The following PELI2 variants were observed in gnomAD, a reference collection of about 807,000 sequenced individuals.
PELI2 encodes E3 ubiquitin-protein ligase pellino homolog 2.
PELI2 carries 23 observed loss-of-function variants against 42.3 expected under a neutral mutation model. The observed-to-expected ratio is 0.54, with a 90% CI of 0.39 to 0.77. PELI2 has a LOEUF of 0.77. Among genes scored for constraint, PELI2 ranks in the 30% least tolerant of loss-of-function variants. The pLI, the probability that PELI2 is intolerant of heterozygous loss-of-function variation, is 0.00. For missense variants in PELI2, 463 were observed against 553.2 expected (o/e 0.84, Z 1.64); for synonymous variants, 245 against 212.2 (o/e 1.15, Z -1.34).
intron 2 of PELI2, among the ~76,000 whole-genome samples, chr14:56,209,694 G>A (rs892174655): frequency 9.9e-5 from 15 of 152,168 alleles, no homozygotes; most frequent in African/African-American, 3.1e-4. Context: ...TTTAGAGAGC[G>A]TAAAGAAGTC....
At chr14:56,224,001 A>T (rs1887250466) in intron 2 of PELI2, among the ~76,000 whole-genome samples, 1 of 152,248 alleles carries the variant, frequency 6.6e-6, no homozygotes, top group Non-Finnish European at 1.5e-5. Flanking sequence ...AAATGACTTC[A>T]TAGTCTACAA....
intron 2 of PELI2, among the ~76,000 whole-genome samples, chr14:56,267,719 T>A (rs1037101583): frequency 7.2e-5 from 11 of 152,098 alleles, no homozygotes; most frequent in African/African-American, 2.4e-4. Flanking sequence ...ATGGACAAAT[T>A]TTAAATTTAG....
intron 2 of PELI2, among the ~76,000 whole-genome samples, chr14:56,274,488 G>C (rs575782538): frequency 3.7e-4 from 57 of 152,272 alleles, no homozygotes; most frequent in South Asian, 2.9e-3. Context: ...ATTAAGACAT[G>C]TTACCCATTG....
chr14:56,119,536 A>C (rs1481332557), intron 1 of PELI2, among the ~76,000 whole-genome samples: 2 of 152,210 alleles, frequency 1.3e-5, no homozygotes, highest in Non-Finnish European at 2.9e-5. Context: ...CTGCTGGTGA[A>C]AGCCGCATCT....
At chr14:56,238,881 A>G (rs1887883479) in intron 2 of PELI2, among the ~76,000 whole-genome samples, 1 of 152,202 alleles carries the variant, frequency 6.6e-6, no homozygotes, top group African/African-American at 2.4e-5. Flanking sequence ...CTAGAAAAAC[A>G]ATGCTTTTCT....
chr14:56,165,063 C>A (rs1471026575), intron 1 of PELI2, among the ~76,000 whole-genome samples: 2 of 131,308 alleles, frequency 1.5e-5, no homozygotes, highest in East Asian at 4.3e-4. Flanking sequence ...ATTTCTTCTA[C>A]TAATTTTGGG....
At chr14:56,212,890 C>G (rs1886760174) in intron 2 of PELI2, among the ~76,000 whole-genome samples, 1 of 152,178 alleles carries the variant, frequency 6.6e-6, no homozygotes, top group Non-Finnish European at 1.5e-5. Flanking sequence ...AGACATCAAA[C>G]TAAAGCCAAT....
chr14:56,169,359 G>T (rs954463486), intron 1 of PELI2, among the ~76,000 whole-genome samples: 23 of 152,162 alleles, frequency 1.5e-4, no homozygotes, highest in Non-Finnish European at 3.1e-4. Flanking sequence ...AGGTTTGCGG[G>T]GACTCAAGTT....
intron 2 of PELI2, among the ~76,000 whole-genome samples, chr14:56,220,346 G>A (rs963639881): frequency 6.6e-6 from 1 of 152,122 alleles, no homozygotes; most frequent in Admixed American, 6.5e-5. Flanking sequence ...CCGGAAGCTA[G>A]TACTTGGGGA....
At chr14:56,294,256 G>A (rs1889928141) in intron 5 of PELI2, among the ~76,000 whole-genome samples, 1 of 152,226 alleles carries the variant, frequency 6.6e-6, no homozygotes, top group South Asian at 2.1e-4. Context: ...GTAGGAGTTT[G>A]CCAACCAGGG....
chr14:56,256,569 A>T (rs1888533892), intron 2 of PELI2, among the ~76,000 whole-genome samples: 1 of 152,320 alleles, frequency 6.6e-6, no homozygotes, highest in Non-Finnish European at 1.5e-5. Context: ...ATTCTTATTA[A>T]ATAAATTTTT....
At chr14:56,183,143 GTATTT>G (rs1463159408) in intron 2 of PELI2, among the ~76,000 whole-genome samples, 1 of 152,036 alleles carries the variant, frequency 6.6e-6, no homozygotes, top group African/African-American at 2.4e-5. Flanking sequence ...AATTTGTTGA[GTATTT>G]TATTTTAAAT....
intron 1 of PELI2, among the ~76,000 whole-genome samples, chr14:56,159,337 A>C (rs755991340): frequency 1.2e-4 from 19 of 152,218 alleles, no homozygotes; most frequent in Non-Finnish European, 2.4e-4. Context: ...CTAGCTGGAC[A>C]TGTTCTTCCT....
chr14:56,238,022 G>A (rs1321042585), intron 2 of PELI2, among the ~76,000 whole-genome samples: 1 of 151,550 alleles, frequency 6.6e-6, no homozygotes, highest in East Asian at 1.9e-4. Context: ...TTTTTTAATG[G>A]GCATATTAAG....
chr14:56,200,833 TCAAA>T (rs998348233), intron 2 of PELI2, among the ~76,000 whole-genome samples: 23 of 152,202 alleles, frequency 1.5e-4, no homozygotes, highest in African/African-American at 5.5e-4. Context: ...CATTTGCATT[TCAAA>T]CAAACATTCT....
chr14:56,133,552 C>G (rs138370691), intron 1 of PELI2, among the ~76,000 whole-genome samples: 4 of 152,206 alleles, frequency 2.6e-5, no homozygotes, highest in Non-Finnish European at 5.9e-5. Context: ...CAGGCAAGCT[C>G]GGGATCCAGT....
chr14:56,118,640 T>TCGGCGGCGGCGG lies in PELI2; in HGVS notation c.-14_-13insGGCGGCGGCGGC. 2 of 1,363,214 alleles carry TCGGCGGCGGCGG rather than the reference T, an allele frequency of 1.5e-6. No individual in the cohort carries two copies. The highest frequency in any genetic ancestry group is 3.3e-5 in the South Asian group (2 of 59,704). The allele number at this position is 1,363,214 out of a possible 1,614,324, so 84.4% of individuals were successfully genotyped here. ...GGAGGCGGCGGCGTCGGCGGCGGCG[T>TCGGCGGCGGCGG]CGGCGGCCGAGCGGGGCTCCATGTT... On this transcript the variant is annotated 5_prime_UTR_variant, in exon 1 of 6. Coordinates refer to ENST00000267460, the MANE Select transcript of PELI2 (RefSeq NM_021255.3).
At chr14:56,215,881 G>C (rs946512811) in intron 2 of PELI2, among the ~76,000 whole-genome samples, 1 of 152,230 alleles carries the variant, frequency 6.6e-6, no homozygotes, top group Non-Finnish European at 1.5e-5. Context: ...TGACACTACA[G>C]TGGGTTATAG....
Position 56,298,134 on chromosome 14 carries a change from C to A in PELI2, c.*968C>A, listed in dbSNP as rs1209862806. 1.3e-5 allele frequency: 2 copies of A among 152,018 alleles called. No individual in the cohort carries two copies. The highest frequency in any genetic ancestry group is 1.3e-4 in the Admixed American group (2 of 15,224). 9.4% of individuals were successfully genotyped at this position (152,018 alleles called of 1,614,324 possible). A position where few individuals can be genotyped will look rare whatever the true frequency, so the allele number is the denominator to read the frequency against. ...TTTTTTCCTTTGTTAAGAAAGCCAA[C>A]CAATCACAATGATATAGTCATTGTT... On this transcript the variant is annotated 3_prime_UTR_variant, in exon 6 of 6. Coordinates refer to ENST00000267460, the MANE Select transcript of PELI2 (RefSeq NM_021255.3).
Sources: allele counts gnomAD v4.1 joint callset (sites outside exome capture counted in the v4.1 genomes callset), GRCh38; gene constraint gnomAD v4.1.1; transcripts MANE v1.5; gene names NCBI Gene and HGNC (gene_info 2026-07-23, HGNC 2026-07-21).